SANBR: variants seen among roughly 807,000 people sequenced by gnomAD.
The protein encoded by SANBR is SANT and BTB domain regulator of class switch recombination.
Under a neutral mutation model 101.8 loss-of-function variants are expected in SANBR, and 77 were observed. The observed-to-expected ratio is 0.76, with a 90% CI of 0.63 to 0.91. SANBR has a LOEUF of 0.91. Among genes scored for constraint, SANBR ranks in the 40% least tolerant of loss-of-function variants. SANBR has a pLI of 0.00. For missense variants in SANBR, 875 were observed against 853.0 expected (o/e 1.03, Z -0.32); for synonymous variants, 279 against 274.7 (o/e 1.02, Z -0.15).
chr2:61,106,376 G>A (rs1683565021), intron 13 of SANBR, among the ~76,000 whole-genome samples, 187 bp from the exon 14 acceptor site: 1 of 115,880 alleles, frequency 8.6e-6, no homozygotes, highest in Non-Finnish European at 1.6e-5. Context: ...GGGTGACAGA[G>A]CGAGACTCCA....
intron 21 of SANBR, chr2:61,121,675 C>A: frequency 5.8e-6 from 1 of 172,150 alleles, no homozygotes; most frequent in East Asian, 1.6e-4. Flanking sequence ...ACTGATGGGT[C>A]TTATGTCATT....
intron 3 of SANBR, among the ~76,000 whole-genome samples, 159 bp downstream of exon 3, chr2:61,070,659 A>G (rs574054518): frequency 1.3e-3 from 195 of 148,128 alleles, no homozygotes; most frequent in Non-Finnish European, 2.4e-3. Flanking sequence ...GATGCAAATT[A>G]CATAAATTTT....
At chr2:61,092,837 A>T (rs1682837357) in intron 11 of SANBR, among the ~76,000 whole-genome samples, 2 of 152,182 alleles carry the variant, frequency 1.3e-5, no homozygotes, top group South Asian at 4.2e-4. Flanking sequence ...TCCATCTCTT[A>T]AAAAAATGAA....
In SANBR at chr2:61,122,605, T is replaced by C. The variant is rs914085100; in HGVS notation, c.*443T>C. 103 of 987,242 alleles carry C rather than the reference T, an allele frequency of 1.0e-4. 1 individual carries two copies. The highest frequency in any genetic ancestry group is 1.1e-4 in the East Asian group (1 of 9,044). The allele number at this position is 987,242 out of a possible 1,614,324, so 61.2% of individuals were successfully genotyped here. On this transcript the variant is annotated 3_prime_UTR_variant, in exon 22 of 22. Transcript: ENST00000402291. ...TTGAGATAGCATTGAGAACTGCAGGTTGTGTGACGAAATTCCCAATGATGC... is the reference window on the plus strand; with the variant it reads ...TTGAGATAGCATTGAGAACTGCAGGCTGTGTGACGAAATTCCCAATGATGC...
downstream of SANBR, among the ~76,000 whole-genome samples, chr2:61,128,068 T>G (rs553929482): frequency 2.0e-5 from 3 of 151,776 alleles, no homozygotes; most frequent in Non-Finnish European, 4.4e-5. Context: ...GTCAGGAGAT[T>G]GAGACCATCC....
chr2:61,110,262 G>T (rs576003672), intron 16 of SANBR, among the ~76,000 whole-genome samples: 28 of 152,236 alleles, frequency 1.8e-4, no homozygotes, highest in Admixed American at 1.5e-3. Context: ...AAGAATGTTG[G>T]TCTGTGCGCA....
chr2:61,136,296 T>C (rs1559163350), intron 21 of SANBR, among the ~76,000 whole-genome samples: 1 of 142,858 alleles, frequency 7.0e-6, no homozygotes, highest in South Asian at 2.2e-4. Flanking sequence ...AGAGCGAGAC[T>C]CGTCTGAAAA....
Position 61,106,594 on chromosome 2 carries a change from G to C in SANBR, c.1543G>C (p.Gly515Arg), listed in dbSNP as rs534945814. ...TGGGGTTGGCCTCTGTGATGAAAAG[G>C]GTATAGAATGTGATGTTTTACTGGA... ...DVGVGLCDEK[G>R]IECDVLLEPN... The change falls in exon 14 of 22, where the codon GGT (glycine) becomes CGT (arginine). Residue 515 changes from glycine to arginine, a missense_variant. By Grantham distance (125) the Gly-to-Arg change is moderately radical (BLOSUM62 -2). Coordinates refer to ENST00000402291, the MANE Select transcript of SANBR (RefSeq NM_001129993.3). The C allele has an allele frequency of 1.2e-6, 2 of 1,602,072 alleles. No individual in the cohort carries two copies. The highest frequency in any genetic ancestry group is 1.7e-6 in the Non-Finnish European group (2 of 1,176,178).
chr2:61,106,934 G>A (rs551120593), intron 14 of SANBR, among the ~76,000 whole-genome samples: 1 of 152,210 alleles, frequency 6.6e-6, no homozygotes, highest in East Asian at 1.9e-4. Flanking sequence ...GGAGGTTGAG[G>A]CAGGAAGATG....
At chr2:61,074,631 T>A (rs565438395) in intron 5 of SANBR, among the ~76,000 whole-genome samples, 1 of 152,332 alleles carries the variant, frequency 6.6e-6, no homozygotes, top group East Asian at 1.9e-4. Context: ...CTTGAACTCC[T>A]GGCCTCAAGT....
exon 21 of SANBR, chr2:61,134,182 A>G: frequency 6.2e-7 from 1 of 1,613,170 alleles, no homozygotes; most frequent in Non-Finnish European, 8.5e-7. Context: ...TAAGAGCAAC[A>G]GAAAAAGTGG....
intron 10 of SANBR, 84 bp from the exon 11 acceptor site, chr2:61,092,380 A>G (rs1682805058): frequency 2.8e-6 from 3 of 1,079,682 alleles, no homozygotes; most frequent in Non-Finnish European, 3.7e-6. Context: ...GTGAAACTCC[A>G]TCTCAAAGAA....
intron 13 of SANBR, among the ~76,000 whole-genome samples, chr2:61,104,511 G>T (rs184193083): frequency 6.6e-6 from 1 of 151,514 alleles, no homozygotes; most frequent in African/African-American, 2.4e-5. Context: ...AGCCCTTGGT[G>T]ATTAAAAAGG....
chr2:61,085,962 C>A (rs1202817575), intron 8 of SANBR, among the ~76,000 whole-genome samples: 2 of 152,158 alleles, frequency 1.3e-5, no homozygotes, highest in African/African-American at 4.8e-5. Context: ...CCCATTTTCT[C>A]TTTCTCACAA....
Position 61,117,341 on chromosome 2 carries a change from G to A in SANBR, c.1837-16G>A. ...CATGTTCTAATTGGGCCTTAATGTT[G>A]TCTACTTTTTTTTAGTCAGCTTCTA... On this transcript the variant is annotated splice_polypyrimidine_tract_variant and intron_variant, in intron 17 of 21. Transcript: ENST00000402291. The A allele has an allele frequency of 6.2e-7, 1 of 1,612,202 alleles. No individual in the cohort carries two copies. The highest frequency in any genetic ancestry group is 8.5e-7 in the Non-Finnish European group (1 of 1,178,380).
Position 61,118,034 on chromosome 2 carries a change from G to A in SANBR, c.1946G>A (p.Arg649Gln), listed in dbSNP as rs188894785. ...ACTGTTTTTTTCCCTTCAGATCAAC[G>A]GCGAATGACTGAAATTACAGGGCAC... The part of the protein sequence containing the change: ...NQDAQREDDQ[R>Q]RMTEITGHLI... Residue 649 changes from arginine (R) to glutamine (Q), a missense_variant, in exon 20 of 22, where the codon CGG becomes CAG. By Grantham distance (43) the Arg-to-Gln change is conservative (BLOSUM62 1). Transcript: ENST00000402291. 8.7e-6 allele frequency: 14 copies of A among 1,612,520 alleles called. No homozygotes were observed. In the South Asian group the frequency reaches 8.8e-5, roughly 10 times the overall value.
At position 61,123,203 on chromosome 2, in the gene SANBR, ATG is replaced by A; in HGVS notation, c.*1043_*1044del. The A allele has an allele frequency of 1.0e-6, 1 of 976,366 alleles. No individual in the cohort carries two copies. The highest frequency in any genetic ancestry group is 1.2e-6 in the Non-Finnish European group (1 of 821,576). 60.5% of individuals were successfully genotyped at this position (976,366 alleles called of 1,614,324 possible). ...AATAAATTATGTGTTTGTAAATTAT[ATG>A]TAGGTCTCTGAAAAACTTTAAGATG... On this transcript the variant is annotated 3_prime_UTR_variant, in exon 22 of 22. Coordinates refer to ENST00000402291, the MANE Select transcript of SANBR (RefSeq NM_001129993.3).
intron 15 of SANBR, 40 bp downstream of exon 15, chr2:61,108,389 CTT>C: frequency 7.2e-7 from 1 of 1,388,516 alleles, no homozygotes; most frequent in South Asian, 1.3e-5. Flanking sequence ...GGATCTCTTT[CTT>C]CCTAAATTAA....
intron 8 of SANBR, among the ~76,000 whole-genome samples, chr2:61,085,479 T>C (rs1682375177): frequency 1.3e-5 from 2 of 152,130 alleles, no homozygotes; most frequent in Non-Finnish European, 2.9e-5. Flanking sequence ...TTGATTTCTT[T>C]GTCTATCCTT....
Sources: gnomAD v4.1 joint callset for allele counts (sites outside exome capture counted in the v4.1 genomes callset) on GRCh38, gnomAD v4.1.1 for gene constraint, MANE v1.5 for transcripts, NCBI Gene and HGNC (gene_info 2026-07-23, HGNC 2026-07-21) for gene names.